The following CCDC88C variants were observed in gnomAD, a reference collection of about 807,000 sequenced individuals.
The protein encoded by CCDC88C is protein Daple.
In CCDC88C, 131 loss-of-function variants were observed where a neutral mutation model predicts 198.8. The ratio of observed to expected loss-of-function variants is 0.66; its 90% CI spans 0.57 to 0.76. The LOEUF is 0.76. Ranked by LOEUF, CCDC88C falls within the 30% of genes least tolerant of loss-of-function variation. The probability of loss-of-function intolerance (pLI) is 0.00; values close to 1 mark genes in which losing one functional copy is unlikely to be tolerated. For synonymous variants in CCDC88C, 1,166 were observed against 1,114.7 expected, an observed-to-expected ratio of 1.05 and a Z score of -0.92; for missense variants, 2,553 against 2,631.6, an observed-to-expected ratio of 0.97 and a Z score of 0.65.
At chr14:91,357,790 T>C (rs962217166) in intron 4 of CCDC88C, among the ~76,000 whole-genome samples, 3 of 152,078 alleles carry the variant, frequency 2.0e-5, no homozygotes, top group African/African-American at 7.2e-5. Context: ...CCCAGGGCTG[T>C]GGCCAGCATG....
intron 29 of CCDC88C, among the ~76,000 whole-genome samples, chr14:91,275,946 C>T (rs1410333168): frequency 2.0e-5 from 3 of 151,318 alleles, no homozygotes; most frequent in African/African-American, 4.9e-5. Context: ...CTCAGCCTCC[C>T]GTGTAGCTGG....
rs1262018417 is a variant in CCDC88C, at chr14:91,326,039, A to G, written c.1068T>C (p.Asn356=). 1 of 1,609,360 alleles carries G rather than the reference A, an allele frequency of 6.2e-7. No individual in the cohort carries two copies. Among genetic ancestry groups the G allele is most frequent in the South Asian group, 1.1e-5 (1 of 90,052 alleles). Residue 356 remains asparagine, a synonymous_variant, in exon 11 of 30, where the codon AAT becomes AAC. Transcript: ENST00000389857. The part of the protein sequence containing the change: ...KARMEELRED[N]IILIETKAML... ...TGGCCTTGGTTTCAATTAAAATGAT[A>G]TTATCTTCTCTCAGCTCCTGGTTAG...
chr14:91,409,609 T>C (rs1886699045), intron 2 of CCDC88C, among the ~76,000 whole-genome samples: 1 of 151,580 alleles, frequency 6.6e-6, no homozygotes, highest in Non-Finnish European at 1.5e-5. Flanking sequence ...CACCTCAGCC[T>C]CCCAAGTAGC....
intron 3 of CCDC88C, among the ~76,000 whole-genome samples, chr14:91,360,661 C>T (rs1461200955): frequency 1.3e-5 from 2 of 152,186 alleles, no homozygotes; most frequent in African/African-American, 2.4e-5. Context: ...GCTGCCTTCC[C>T]GCCCTCACAC....
intron 18 of CCDC88C, among the ~76,000 whole-genome samples, chr14:91,306,560 G>A (rs1891562920): frequency 6.6e-6 from 1 of 152,224 alleles, no homozygotes. Context: ...GAGAATCAAA[G>A]TCAGAGGCAC....
At chr14:91,389,550 T>A (rs1885357779) in intron 3 of CCDC88C, among the ~76,000 whole-genome samples, 1 of 152,044 alleles carries the variant, frequency 6.6e-6, no homozygotes, top group Non-Finnish European at 1.5e-5. Context: ...AGGAATTGCT[T>A]TGATGTGGAA....
intron 3 of CCDC88C, chr14:91,379,076 C>A (rs1837028794): frequency 2.6e-5 from 4 of 152,228 alleles, no homozygotes; most frequent in Admixed American, 2.6e-4. Context: ...AAAGTCAGCA[C>A]AGCAATTTGC....
At chr14:91,342,717 A>G (rs900121702) in intron 5 of CCDC88C, among the ~76,000 whole-genome samples, 2 of 152,206 alleles carry the variant, frequency 1.3e-5, no homozygotes, top group Non-Finnish European at 2.9e-5. Flanking sequence ...CAGATTGAAA[A>G]GACCAGGGTG....
chr14:91,392,041 G>C (rs1327632596), intron 3 of CCDC88C, among the ~76,000 whole-genome samples: 1 of 152,008 alleles, frequency 6.6e-6, no homozygotes, highest in Non-Finnish European at 1.5e-5. Context: ...TGCCTCATGA[G>C]TTCACTCCCT....
At chr14:91,415,145 G>C (rs190230002) in intron 2 of CCDC88C, among the ~76,000 whole-genome samples, 3 of 152,028 alleles carry the variant, frequency 2.0e-5, no homozygotes, top group Non-Finnish European at 2.9e-5. Flanking sequence ...AAGTTTCACC[G>C]GTCATTGCGC....
In CCDC88C at chr14:91,309,558, C is replaced by T. The variant is rs115568965; in HGVS notation, c.2864+301G>A. Among the ~76,000 whole-genome samples, 1,054 of 146,372 alleles carry T rather than the reference C, an allele frequency of 7.2e-3. 12 individuals are homozygous for T. The highest frequency in any genetic ancestry group is 0.025 in the African/African-American group (962 of 39,000). On this transcript the variant is annotated intron_variant, in intron 16 of 29. Transcript: ENST00000389857. ...CCGGGAGGTGGACATGGAGGTAAGC[C>T]GAAATCATAATACTACACTCCAGCC...
At chr14:91,412,579 C>A (rs1371887404) in intron 2 of CCDC88C, among the ~76,000 whole-genome samples, 1 of 152,078 alleles carries the variant, frequency 6.6e-6, no homozygotes, top group Non-Finnish European at 1.5e-5. Flanking sequence ...GGACTACAGG[C>A]GCCCGCCACC....
chr14:91,280,281 G>A (rs1890146115), intron 27 of CCDC88C, among the ~76,000 whole-genome samples: 1 of 152,166 alleles, frequency 6.6e-6, no homozygotes, highest in Admixed American at 6.5e-5. Flanking sequence ...TGCCACCAAG[G>A]CAAGTTCACT....
chr14:91,370,381 G>A (rs17803546), intron 3 of CCDC88C, among the ~76,000 whole-genome samples: 37,622 of 152,162 alleles, frequency 0.25, 5,101 homozygotes, highest in Non-Finnish European at 0.28. Context: ...GAAGAACTCA[G>A]GGAACCCGGC....
At position 91,325,152 on chromosome 14, in the gene CCDC88C, G is replaced by A. The variant is rs549643365; in HGVS notation, c.1198-229C>T. 2.6e-5 allele frequency among the ~76,000 whole-genome samples: 4 copies of A among 152,312 alleles called. No individual in the cohort carries two copies. Among genetic ancestry groups the A allele is most frequent in the South Asian group, 4.1e-4 (2 of 4,826 alleles). On this transcript the variant is annotated intron_variant, in intron 11 of 29. Coordinates refer to ENST00000389857, the MANE Select transcript of CCDC88C (RefSeq NM_001080414.4). This position sits in a 1 kb window ranked among gnomAD's most constrained non-coding sequence, Gnocchi z 4.1. The stretch of plus-strand genomic sequence containing the variant: ...CTACCTAGGTTATGAAGACAGACCC[G>A]GCCGGGGTCCCTAACTGAATGCTGT...
chr14:91,315,552 C>T, intron 14 of CCDC88C, 98 bp downstream of exon 14: 1 of 1,302,676 alleles, frequency 7.7e-7, no homozygotes, highest in Non-Finnish European at 1.1e-6. Context: ...ACGGATAATC[C>T]ATGCATCCAC....
At chr14:91,342,493 C>T (rs766715740) in intron 5 of CCDC88C, 30 bp from the exon 6 acceptor site, 14 of 1,449,738 alleles carry the variant, frequency 9.7e-6, no homozygotes, top group South Asian at 6.0e-5. Context: ...TTAATGGAAG[C>T]GCTGTTCAAG....
rs1596086103 is a variant in CCDC88C at position 91,338,622 on chromosome 14, A to G, written c.810-52T>C. On this transcript the variant is annotated intron_variant, in intron 8 of 29. Coordinates refer to ENST00000389857, the MANE Select transcript of CCDC88C (RefSeq NM_001080414.4). This position sits in a 1 kb window ranked among gnomAD's most constrained non-coding sequence, Gnocchi z 4.8. ...GTGGGAGGCAGCTTCCTCAACAAGC[A>G]GCCCTGGGAGCAGGCTGCCACTTCC... 1 of 1,364,572 alleles carries G rather than the reference A, an allele frequency of 7.3e-7. No individual in the cohort carries two copies. Among genetic ancestry groups the G allele is most frequent in the Non-Finnish European group, 1.0e-6 (1 of 977,772 alleles). 84.5% of individuals were successfully genotyped at this position (1,364,572 alleles called of 1,614,324 possible). A position where few individuals can be genotyped will look rare whatever the true frequency, so the allele number is the denominator to read the frequency against.
chr14:91,325,885 G>C lies in CCDC88C; in HGVS notation c.1197+25C>G. On this transcript the variant is annotated intron_variant, in intron 11 of 29. Transcript: ENST00000389857. This position sits in a 1 kb window ranked among gnomAD's most constrained non-coding sequence, Gnocchi z 4.1. ...TGCCCGAGCCCAATCTGTTTTCAAT[G>C]TAGTAACAACACAGCCTGCAGTACC... The C allele has an allele frequency of 6.5e-7, 1 of 1,542,358 alleles. No individual in the cohort carries two copies. Among genetic ancestry groups the C allele is most frequent in the Non-Finnish European group, 8.8e-7 (1 of 1,140,568 alleles).
Sources: gnomAD v4.1 joint callset for allele counts (sites outside exome capture counted in the v4.1 genomes callset) on GRCh38, gnomAD v4.1.1 for gene constraint, Gnocchi (gnomAD v3.1) non-coding constraint, MANE v1.5 for transcripts, NCBI Gene and HGNC (gene_info 2026-07-23, HGNC 2026-07-21) for gene names.